Variants in ITGA1 observed in about 807,000 individuals in gnomAD.
The protein encoded by ITGA1 is integrin subunit alpha 1, also known as integrin alpha-1.
Under a neutral mutation model 145.9 loss-of-function variants are expected in ITGA1, and 85 were observed. The observed-to-expected ratio is 0.58, with a 90% CI of 0.49 to 0.70. The LOEUF is 0.70. ITGA1 is among the 30% of genes least tolerant of loss of function. ITGA1 has a pLI of 0.00. For synonymous variants in ITGA1, 520 were observed against 495.3 expected (o/e 1.05, Z -0.66); for missense variants, 1,351 against 1,418.7 (o/e 0.95, Z 0.77).
chr5:52,944,107 T>C (rs1751091711), intron 26 of ITGA1, among the ~76,000 whole-genome samples: 1 of 152,142 alleles, frequency 6.6e-6, no homozygotes, highest in Non-Finnish European at 1.5e-5. Flanking sequence ...CACCTGGGGC[T>C]AGAGCCTCTC....
intron 2 of ITGA1, among the ~76,000 whole-genome samples, chr5:52,853,518 C>G (rs183441685): frequency 6.6e-6 from 1 of 152,168 alleles, no homozygotes; most frequent in Non-Finnish European, 1.5e-5. Flanking sequence ...ACCCATCTTA[C>G]GTCGTGACTA....
chr5:52,805,517 T>C (rs1202836272), intron 1 of ITGA1, among the ~76,000 whole-genome samples: 2 of 152,112 alleles, frequency 1.3e-5, no homozygotes, highest in African/African-American at 2.4e-5. Context: ...GATTGCTGTT[T>C]AGAGTTATGG....
chr5:52,814,658 C>T (rs877651), intron 1 of ITGA1, among the ~76,000 whole-genome samples: 39,887 of 151,652 alleles, frequency 0.26, 5,516 homozygotes, highest in Non-Finnish European at 0.3. Flanking sequence ...TGCTCATAAG[C>T]TCCTGATATT....
At chr5:52,844,257 A>G (rs936804713) in intron 1 of ITGA1, among the ~76,000 whole-genome samples, 1 of 152,162 alleles carries the variant, frequency 6.6e-6, no homozygotes, top group Non-Finnish European at 1.5e-5. Context: ...CTCTGTGGCC[A>G]GGACTTTTCT....
intron 2 of ITGA1, among the ~76,000 whole-genome samples, chr5:52,849,927 T>G (rs1749402486): frequency 6.6e-6 from 1 of 152,174 alleles, no homozygotes; most frequent in African/African-American, 2.4e-5. Flanking sequence ...GGTCTAATGT[T>G]TATAATGAAC....
At chr5:52,820,344 A>G (rs1380041829) in intron 1 of ITGA1, among the ~76,000 whole-genome samples, 9 of 97,918 alleles carry the variant, frequency 9.2e-5, no homozygotes, top group African/African-American at 3.9e-4. Flanking sequence ...GGACACAGGA[A>G]GGGGAACATC....
intron 1 of ITGA1, among the ~76,000 whole-genome samples, chr5:52,831,519 T>C (rs1265301054): frequency 1.5e-5 from 2 of 131,226 alleles, no homozygotes; most frequent in Non-Finnish European, 3.2e-5. Context: ...TCTTTATTGA[T>C]TAAATAGGAA....
chr5:52,922,967 C>A, intron 18 of ITGA1, 80 bp downstream of exon 18: 1 of 789,586 alleles, frequency 1.3e-6, no homozygotes, highest in Non-Finnish European at 2.1e-6. Context: ...TTTTTCACTA[C>A]TCTGCATTGA....
chr5:52,937,390 T>G lies in ITGA1; in HGVS notation c.2965-11T>G. On this transcript the variant is annotated splice_polypyrimidine_tract_variant and intron_variant, in intron 23 of 28. Coordinates refer to ENST00000282588, the MANE Select transcript of ITGA1 (RefSeq NM_181501.2). ...AGGAAGAAAGATTACATTTCCATTT[T>G]TTTCTTGTAGATTAGAAAAAGTGGA... 1 of 1,556,184 alleles carries G rather than the reference T, an allele frequency of 6.4e-7. No individual in the cohort carries two copies. Among genetic ancestry groups the G allele is most frequent in the African/African-American group, 1.4e-5 (1 of 73,872 alleles).
In ITGA1 at chr5:52,905,813, G is replaced by A. The variant is rs759175307; in HGVS notation, c.1360G>A (p.Ala454Thr). The A allele has an allele frequency of 1.2e-6, 2 of 1,613,542 alleles. No individual in the cohort carries two copies. Among genetic ancestry groups the A allele is most frequent in the Non-Finnish European group, 1.7e-6 (2 of 1,179,800 alleles). The change falls in exon 12 of 29, where the codon GCT (alanine) becomes ACT (threonine). Residue 454 changes from alanine (A) to threonine (T), a missense_variant. Physicochemically the swap from Ala to Thr is moderately conservative, Grantham distance 58. Coordinates refer to ENST00000282588, the MANE Select transcript of ITGA1 (RefSeq NM_181501.2). ...TASSGDVLYI[A>T]GQPRYNHTGQ... is the part of the protein sequence containing the mutation. ...TTCTTCTGGAGATGTGCTCTATATT[G>A]CTGGACAGCCTCGGTACAATCATAC...
In ITGA1 at chr5:52,929,696, A is replaced by C; in HGVS notation, c.2766A>C (p.Ala922=). ...AAAATGTGACCATTTATTTAAGTGC[A>C]ACAAGGTTGGTTTACATGTGTATAA... is the stretch of plus-strand genomic sequence containing the variant. ...LMENVTIYLS[A]TSDSEEPPET... Residue 922 remains alanine (A), a synonymous_variant, in exon 21 of 29, where the codon GCA becomes GCC. Coordinates refer to ENST00000282588, the MANE Select transcript of ITGA1 (RefSeq NM_181501.2). 6.3e-7 allele frequency: 1 copy of C among 1,575,882 alleles called. No homozygotes were observed. The highest frequency in any genetic ancestry group is 8.7e-7 in the Non-Finnish European group (1 of 1,148,796).
In ITGA1 at chr5:52,911,024, GTATGTA is replaced by G. The variant is rs1561245877; in HGVS notation, c.1857+608_1857+613del. Among the ~76,000 whole-genome samples, 358 of 132,542 alleles carry G rather than the reference GTATGTA, an allele frequency of 2.7e-3. 3 individuals are homozygous for G. Among genetic ancestry groups the G allele is most frequent in the African/African-American group, 9.5e-3 (342 of 35,904 alleles). The allele number at this position is 132,542 out of a possible 152,430, so 87.0% of individuals were successfully genotyped here. On this transcript the variant is annotated intron_variant, in intron 14 of 28. Coordinates refer to ENST00000282588, the MANE Select transcript of ITGA1 (RefSeq NM_181501.2). ...ATGTATACTGTATATACTATATATA[GTATGTA>G]TACTGTATATACTATATATACTATA...
chr5:52,906,056 T>C (rs1750399191), intron 12 of ITGA1, 148 bp downstream of exon 12: 1 of 637,226 alleles, frequency 1.6e-6, no homozygotes, highest in East Asian at 2.8e-5. Context: ...TTTGGAAGGA[T>C]GTATAGTGTC....
In ITGA1 at chr5:52,897,091, G is replaced by A. The variant is rs532131588; in HGVS notation, c.1091-364G>A. On this transcript the variant is annotated intron_variant, in intron 9 of 28. Coordinates refer to ENST00000282588, the MANE Select transcript of ITGA1 (RefSeq NM_181501.2). ...CTAAGGGCTCAGCAGGGTTCCCAAG[G>A]CATGAATTTGGACAGGAATTTCCTA... 6.6e-5 allele frequency among the ~76,000 whole-genome samples: 10 copies of A among 152,150 alleles called. 1 individual carries two copies. In the South Asian group the frequency reaches 2.1e-3, roughly 32 times the overall value.
In ITGA1 at chr5:52,849,447, A is replaced by G; in HGVS notation, c.144A>G (p.Gly48=). The G allele has an allele frequency of 6.2e-7, 1 of 1,611,344 alleles. No individual in the cohort carries two copies. The highest frequency in any genetic ancestry group is 1.3e-5 in the African/African-American group (1 of 74,998). ...GCGGCCCGGTGGAAGACATGTTTGGATATACTGTTCAACAATATGAAAATG... is the reference window on the plus strand; with the variant it reads ...GCGGCCCGGTGGAAGACATGTTTGGGTATACTGTTCAACAATATGAAAATG... ...TFSGPVEDMF[G]YTVQQYENEE... Residue 48 remains glycine (G), a synonymous_variant, in exon 2 of 29, where the codon GGA becomes GGG. Coordinates refer to ENST00000282588, the MANE Select transcript of ITGA1 (RefSeq NM_181501.2).
chr5:52,893,726 G>C lies in ITGA1; in HGVS notation c.976G>C (p.Glu326Gln). The change falls in exon 9 of 29, where the codon GAA (glutamate) becomes CAA (glutamine). Residue 326 changes from glutamate (E) to glutamine (Q), a missense_variant. Transcript: ENST00000282588. Reference protein sequence around the residue: ...GNLSTEKFVEEIKSIASEPTE... With the variant: ...GNLSTEKFVEQIKSIASEPTE... ...TTTAAGCACTGAAAAATTTGTGGAG[G>C]AAATAAAATCAATTGCAAGTGAACC... 6.2e-7 allele frequency: 1 copy of C among 1,613,058 alleles called. No individual in the cohort carries two copies. The highest frequency in any genetic ancestry group is 8.5e-7 in the Non-Finnish European group (1 of 1,179,334).
In ITGA1 at chr5:52,852,044, T is replaced by G. The variant is rs191485972; in HGVS notation, c.182+2559T>G. 3.9e-5 allele frequency among the ~76,000 whole-genome samples: 6 copies of G among 152,332 alleles called. No homozygotes were observed. In the East Asian group the frequency reaches 1.2e-3, roughly 29 times the overall value. The stretch of plus-strand genomic sequence containing the variant: ...ATTCAAAACAGGAGGAGATGATTCT[T>G]GGTTCTTGACCTAAGTCTTGAAAGA... On this transcript the variant is annotated intron_variant, in intron 2 of 28. Transcript: ENST00000282588.
chr5:52,925,068 A>G (rs530556579), intron 18 of ITGA1, among the ~76,000 whole-genome samples: 1 of 152,348 alleles, frequency 6.6e-6, no homozygotes, highest in African/African-American at 2.4e-5. Flanking sequence ...AAGGACAAGC[A>G]CAATTTACAT....
chr5:52,893,425 AGAG>A (rs1750180742), intron 8 of ITGA1, among the ~76,000 whole-genome samples: 1 of 152,214 alleles, frequency 6.6e-6, no homozygotes, highest in South Asian at 2.1e-4. Flanking sequence ...ACAGAGTACA[AGAG>A]GAGAAATTTT....
Sources: gnomAD v4.1 joint callset for allele counts (sites outside exome capture counted in the v4.1 genomes callset) on GRCh38, gnomAD v4.1.1 for gene constraint, MANE v1.5 for transcripts, NCBI Gene and HGNC (gene_info 2026-07-23, HGNC 2026-07-21) for gene names.